The following SPINK8 variants were observed in gnomAD, a reference collection of about 807,000 sequenced individuals.
SPINK8 encodes the protein serine protease inhibitor Kazal-type 8.
Under a neutral mutation model 14.4 loss-of-function variants are expected in SPINK8, and 12 were observed. The observed-to-expected ratio is 0.83, with a 90% CI of 0.53 to 1.35. The LOEUF (loss-of-function observed/expected upper bound fraction) is 1.35. SPINK8 is among the 40% of genes most tolerant of loss of function. The pLI is 0.00. For missense variants in SPINK8, 103 were observed against 117.0 expected (o/e 0.88, Z 0.55); for synonymous variants, 32 against 37.6 (o/e 0.85, Z 0.55).
chr3:48,320,353 G>A (rs1468978200), intron 5 of SPINK8, among the ~76,000 whole-genome samples: 1 of 152,112 alleles, frequency 6.6e-6, no homozygotes, highest in Non-Finnish European at 1.5e-5. Context: ...TTTGAGACCA[G>A]CCTGGCCAAC....
chr3:48,307,705 A>G (rs1055789234), intron 7 of SPINK8, among the ~76,000 whole-genome samples: 12 of 152,202 alleles, frequency 7.9e-5, no homozygotes, highest in Non-Finnish European at 1.8e-4. Flanking sequence ...TATTAAGCCT[A>G]TATCTCATTT....
chr3:48,328,132 C>G (rs941609588), intron 4 of SPINK8, 143 bp downstream of exon 4: 8 of 651,796 alleles, frequency 1.2e-5, no homozygotes, highest in Non-Finnish European at 1.5e-5. Flanking sequence ...TGAATCCTTT[C>G]TCTGGGTTTT....
chr3:48,321,133 A>G (rs2036068758), intron 4 of SPINK8, 59 bp from the exon 5 acceptor site: 2 of 1,522,402 alleles, frequency 1.3e-6, no homozygotes, highest in Admixed American at 4.1e-5. Flanking sequence ...CTCAGCGAAA[A>G]AGGTAAGATG....
At chr3:48,315,455 T>C (rs750083886) in intron 6 of SPINK8, among the ~76,000 whole-genome samples, 15 of 152,094 alleles carry the variant, frequency 9.9e-5, no homozygotes, top group Admixed American at 3.9e-4. Context: ...GTGTGGTGGC[T>C]CACTCCTGTA....
At chr3:48,315,720 C>CAAAAAAAAAAAAAAAAAAAAAA (rs66504818) in intron 6 of SPINK8, among the ~76,000 whole-genome samples, 1 of 21,920 alleles carries the variant, frequency 4.6e-5, no homozygotes, top group Non-Finnish European at 9.7e-5. Context: ...GACTCCATCT[C>CAAAAAAAAAAAAAAAAAAAAAA]AAAAAAAAAA....
intron 2 of SPINK8, among the ~76,000 whole-genome samples, chr3:48,331,522 C>T (rs2036260747): frequency 6.6e-6 from 1 of 152,142 alleles, no homozygotes; most frequent in African/African-American, 2.4e-5. Flanking sequence ...GATAGGTGTT[C>T]CCTCAGAAGT....
chr3:48,321,480 T>C (rs1683074971), intron 4 of SPINK8, among the ~76,000 whole-genome samples: 1 of 151,076 alleles, frequency 6.6e-6, no homozygotes, highest in Non-Finnish European at 1.5e-5. Context: ...TTTATATAAG[T>C]ATATATTATA....
At position 48,318,420 on chromosome 3, in the gene SPINK8, C is replaced by T. The variant is rs531530922; in HGVS notation, c.239+1077G>A. On this transcript the variant is annotated intron_variant, in intron 6 of 7. Coordinates refer to ENST00000434006, the MANE Select transcript of SPINK8 (RefSeq NM_001080525.3). ...CCTCCCAAAGTGCTGGGATTACAGG[C>T]GTGAGCCACTGCGCCCAGCTAGAAT... Among the ~76,000 whole-genome samples, 14 of 152,320 alleles carry T rather than the reference C, an allele frequency of 9.2e-5. No homozygotes were observed. The South Asian group carries it at 1.2e-3, about 14-fold the overall frequency.
chr3:48,319,433 A>C (rs1437069744), intron 6 of SPINK8, 64 bp downstream of exon 6: 3 of 1,596,116 alleles, frequency 1.9e-6, no homozygotes, highest in Middle Eastern at 1.7e-4. Flanking sequence ...TGAGGTCATC[A>C]CCCTCTTTTG....
intron 6 of SPINK8, among the ~76,000 whole-genome samples, chr3:48,316,706 G>A (rs911026902): frequency 1.3e-5 from 2 of 152,158 alleles, no homozygotes; most frequent in Non-Finnish European, 2.9e-5. Context: ...CCAGGAGGTC[G>A]AGGCTGCAGT....
intron 4 of SPINK8, among the ~76,000 whole-genome samples, chr3:48,324,826 T>A (rs1243113547): frequency 6.6e-6 from 1 of 152,210 alleles, no homozygotes; most frequent in Non-Finnish European, 1.5e-5. Flanking sequence ...ATAGTGTTGT[T>A]CTAGTCTTCT....
chr3:48,332,111 C>T (rs1324546345), intron 2 of SPINK8, among the ~76,000 whole-genome samples: 2 of 152,196 alleles, frequency 1.3e-5, no homozygotes, highest in Non-Finnish European at 2.9e-5. Flanking sequence ...TCCTTGTAGA[C>T]CGCACTGGAA....
chr3:48,330,740 G>A (rs949784748), intron 2 of SPINK8, among the ~76,000 whole-genome samples: 3 of 151,600 alleles, frequency 2.0e-5, no homozygotes, highest in East Asian at 3.9e-4. Context: ...CTGATTGGTC[G>A]GGCTTGAGCT....
intron 6 of SPINK8, among the ~76,000 whole-genome samples, chr3:48,313,213 G>A (rs953228111): frequency 8.6e-5 from 13 of 152,042 alleles, no homozygotes; most frequent in African/African-American, 2.9e-4. Flanking sequence ...CTATAGAATC[G>A]GGGGAGAAAT....
At chr3:48,331,712 G>C (rs1221351923) in intron 2 of SPINK8, among the ~76,000 whole-genome samples, 2 of 152,142 alleles carry the variant, frequency 1.3e-5, no homozygotes, top group Non-Finnish European at 2.9e-5. Flanking sequence ...TAATTAGAAA[G>C]GTATGTGAAA....
At chr3:48,310,370 T>G (rs757387188) in intron 6 of SPINK8, among the ~76,000 whole-genome samples, 5 of 152,020 alleles carry the variant, frequency 3.3e-5, no homozygotes, top group Non-Finnish European at 7.4e-5. Context: ...ACACACAAAT[T>G]ATCAAAACTT....
chr3:48,316,689 C>T (rs961786451), intron 6 of SPINK8, among the ~76,000 whole-genome samples: 4 of 152,164 alleles, frequency 2.6e-5, no homozygotes, highest in African/African-American at 9.7e-5. Flanking sequence ...GGGAGGATCA[C>T]TTGAGCCCAG....
At chr3:48,326,786 A>G (rs1251209767) in intron 4 of SPINK8, among the ~76,000 whole-genome samples, 1 of 151,788 alleles carries the variant, frequency 6.6e-6, no homozygotes, top group African/African-American at 2.4e-5. Flanking sequence ...TGGCACATGC[A>G]TATAGTTCCA....
At chr3:48,309,583 C>T (rs1173221200) in intron 7 of SPINK8, among the ~76,000 whole-genome samples, 1 of 152,090 alleles carries the variant, frequency 6.6e-6, no homozygotes, top group Non-Finnish European at 1.5e-5. Flanking sequence ...GTAATAAGAC[C>T]TTCTGAGTAT....
Sources: gnomAD v4.1 joint callset for allele counts (sites outside exome capture counted in the v4.1 genomes callset) on GRCh38, gnomAD v4.1.1 for gene constraint, MANE v1.5 for transcripts, NCBI Gene and HGNC (gene_info 2026-07-23, HGNC 2026-07-21) for gene names.